FHIT: variants seen among roughly 807,000 people sequenced by gnomAD.
FHIT encodes the protein fragile histidine triad diadenosine triphosphatase, also known as bis(5'-adenosyl)-triphosphatase.
In FHIT, 19 loss-of-function variants were observed where a neutral mutation model predicts 17.9. The ratio of observed to expected loss-of-function variants is 1.06; its 90% CI spans 0.74 to 1.56. FHIT has a LOEUF of 1.56. Ranked by LOEUF, FHIT falls within the 40% of genes most tolerant of loss-of-function variation. The probability of loss-of-function intolerance (pLI) is 0.00; values close to 1 mark genes in which losing one functional copy is unlikely to be tolerated. For synonymous variants in FHIT, 81 were observed against 69.7 expected, an observed-to-expected ratio of 1.16 and a Z score of -0.81; for missense variants, 248 against 189.2, an observed-to-expected ratio of 1.31 and a Z score of -1.82.
chr3:60,790,361 A>T (rs1323933660), intron 4 of FHIT, among the ~76,000 whole-genome samples: 1 of 152,226 alleles, frequency 6.6e-6, no homozygotes, highest in Admixed American at 6.5e-5. Flanking sequence ...AGATTCAAAT[A>T]TGTCACAACA....
chr3:60,540,517 CT>C (rs2036151986), intron 4 of FHIT, among the ~76,000 whole-genome samples: 1 of 152,170 alleles, frequency 6.6e-6, no homozygotes, highest in African/African-American at 2.4e-5. Flanking sequence ...CCAAATTCTT[CT>C]GAAATGAATC....
intron 8 of FHIT, among the ~76,000 whole-genome samples, chr3:59,821,428 C>T (rs930946517): frequency 6.6e-6 from 1 of 152,150 alleles, no homozygotes; most frequent in African/African-American, 2.4e-5. Context: ...ACTCCACACC[C>T]ATTATCTGCA....
intron 4 of FHIT, among the ~76,000 whole-genome samples, chr3:60,819,067 G>A (rs1436780259): frequency 8.2e-6 from 1 of 121,320 alleles, no homozygotes; most frequent in Non-Finnish European, 1.7e-5. Flanking sequence ...TTGGTCTTTT[G>A]GTACTTTATA....
chr3:60,356,997 A>G (rs946453115), intron 5 of FHIT, among the ~76,000 whole-genome samples: 5 of 152,122 alleles, frequency 3.3e-5, no homozygotes, highest in African/African-American at 7.2e-5. Context: ...TCTTAAAACA[A>G]TAAGGTGAAA....
At chr3:59,851,749 C>T (rs1701946808) in intron 8 of FHIT, among the ~76,000 whole-genome samples, 1 of 152,148 alleles carries the variant, frequency 6.6e-6, no homozygotes, top group Admixed American at 6.5e-5. Flanking sequence ...TACCTTGATC[C>T]CCAGTGATGC....
At chr3:59,895,824 G>A (rs531601491) in intron 8 of FHIT, among the ~76,000 whole-genome samples, 88 of 152,230 alleles carry the variant, frequency 5.8e-4, no homozygotes, top group African/African-American at 2.0e-3. Context: ...ACATCCTCAC[G>A]GGGGCTTAAA....
In FHIT at chr3:60,222,260, T is replaced by C. The variant is rs552127963; in HGVS notation, c.104-208108A>G. ...CATTCATTCTGAGCCAGGATTCAAGTCCTAGTCCCTCTTACTAGGGCAGAA... is the reference window on the plus strand; with the variant it reads ...CATTCATTCTGAGCCAGGATTCAAGCCCTAGTCCCTCTTACTAGGGCAGAA... On this transcript the variant is annotated intron_variant, in intron 5 of 9. Coordinates refer to ENST00000492590, the MANE Select transcript of FHIT (RefSeq NM_002012.4). Among the ~76,000 whole-genome samples, 180 of 152,306 alleles carry C rather than the reference T, an allele frequency of 1.2e-3. 1 individual carries two copies. The highest frequency in any genetic ancestry group is 4.1e-3 in the African/African-American group (170 of 41,562).
At chr3:59,829,114 A>AC (rs1181638491) in intron 8 of FHIT, among the ~76,000 whole-genome samples, 1 of 152,232 alleles carries the variant, frequency 6.6e-6, no homozygotes, top group Non-Finnish European at 1.5e-5. Flanking sequence ...ATGGTTAATT[A>AC]CAATAATCAC....
intron 3 of FHIT, among the ~76,000 whole-genome samples, chr3:60,893,475 A>C (rs1331607484): frequency 6.6e-6 from 1 of 152,196 alleles, no homozygotes; most frequent in Non-Finnish European, 1.5e-5. Flanking sequence ...TAAAGTGTAC[A>C]AATATATATT....
intron 4 of FHIT, among the ~76,000 whole-genome samples, chr3:60,699,135 G>A (rs782477997): frequency 4.6e-5 from 7 of 152,070 alleles, no homozygotes; most frequent in Non-Finnish European, 7.4e-5. Flanking sequence ...TAACTTTTAA[G>A]TGAATTTATT....
chr3:59,781,138 C>T (rs1702564812), intron 8 of FHIT, among the ~76,000 whole-genome samples: 1 of 152,166 alleles, frequency 6.6e-6, no homozygotes, highest in South Asian at 2.1e-4. Flanking sequence ...CATTGGTGGG[C>T]TGCATTCCCT....
intron 5 of FHIT, among the ~76,000 whole-genome samples, chr3:60,314,335 A>G (rs1259633464): frequency 1.3e-5 from 2 of 152,202 alleles, no homozygotes; most frequent in African/African-American, 2.4e-5. Flanking sequence ...CAGTAGTATC[A>G]GAAGCCTTAT....
intron 1 of FHIT, 84 bp downstream of exon 1, chr3:61,251,217 C>A (rs2040616531): frequency 6.6e-6 from 1 of 152,456 alleles, no homozygotes; most frequent in South Asian, 2.1e-4. Context: ...CACTGGGCTC[C>A]GGGGTGATGA....
Position 59,948,628 on chromosome 3 carries a change from C to T in FHIT, c.280-26214G>A, listed in dbSNP as rs147720856. 1.7e-3 allele frequency among the ~76,000 whole-genome samples: 263 copies of T among 152,160 alleles called. 1 individual carries two copies. The highest frequency in any genetic ancestry group is 6.1e-3 in the African/African-American group (252 of 41,556). On this transcript the variant is annotated intron_variant, in intron 7 of 9. Transcript: ENST00000492590. Reference sequence around the variant, plus strand: ...TCAGAGAGATTTGGTTTCTGTTACCCTCACCAGCATCTGGTGCTGTCATTT... The same window carrying T: ...TCAGAGAGATTTGGTTTCTGTTACCTTCACCAGCATCTGGTGCTGTCATTT...
At chr3:59,769,767 T>C (rs1188822671) in intron 8 of FHIT, among the ~76,000 whole-genome samples, 1 of 151,006 alleles carries the variant, frequency 6.6e-6, no homozygotes, top group Non-Finnish European at 1.5e-5. Flanking sequence ...GGCCATCTGA[T>C]AATTACTTTG....
At chr3:60,796,669 G>C (rs1286257166) in intron 4 of FHIT, among the ~76,000 whole-genome samples, 1 of 152,114 alleles carries the variant, frequency 6.6e-6, no homozygotes, top group Non-Finnish European at 1.5e-5. Context: ...TGCAACCTCT[G>C]CTTCCTGGGT....
intron 4 of FHIT, among the ~76,000 whole-genome samples, chr3:60,634,870 T>G (rs529515258): frequency 6.6e-6 from 1 of 152,316 alleles, no homozygotes; most frequent in East Asian, 1.9e-4. Context: ...GGAAAATACC[T>G]TATTTTAGAG....
chr3:59,972,371 A>G (rs866335462), intron 7 of FHIT, among the ~76,000 whole-genome samples: 1 of 152,054 alleles, frequency 6.6e-6, no homozygotes, highest in Non-Finnish European at 1.5e-5. Context: ...CTACCTGTGA[A>G]GCTTGGTTCA....
At chr3:59,815,113 C>G (rs1223139835) in intron 8 of FHIT, among the ~76,000 whole-genome samples, 5 of 152,144 alleles carry the variant, frequency 3.3e-5, no homozygotes, top group Admixed American at 2.6e-4. Context: ...TAAGAGTTGG[C>G]CCATCCCTAG....
Sources: gnomAD v4.1 joint callset for allele counts (sites outside exome capture counted in the v4.1 genomes callset) on GRCh38, gnomAD v4.1.1 for gene constraint, MANE v1.5 for transcripts, NCBI Gene and HGNC (gene_info 2026-07-23, HGNC 2026-07-21) for gene names.